The following MYRIP variants were observed in gnomAD, a reference collection of about 807,000 sequenced individuals.
MYRIP encodes the protein rab effector MyRIP.
Under a neutral mutation model 98.0 loss-of-function variants are expected in MYRIP, and 49 were observed. The ratio of observed to expected loss-of-function variants is 0.50; its 90% CI spans 0.40 to 0.63. The LOEUF is 0.63. MYRIP is among the 30% of genes least tolerant of loss of function. The pLI is 0.00. For missense variants in MYRIP, 1,004 were observed against 1,058.2 expected (o/e 0.95, Z 0.71); for synonymous variants, 404 against 409.5 (o/e 0.99, Z 0.16).
intron 2 of MYRIP, among the ~76,000 whole-genome samples, chr3:39,940,430 A>G (rs1015077411): frequency 2.0e-4 from 31 of 152,070 alleles, no homozygotes; most frequent in African/African-American, 7.2e-4. Context: ...TATTATTCAA[A>G]CCTCAATTCT....
At chr3:39,864,701 A>G (rs1942572927) in intron 1 of MYRIP, among the ~76,000 whole-genome samples, 1 of 152,070 alleles carries the variant, frequency 6.6e-6, no homozygotes. Context: ...GAAGAATCAA[A>G]ACAGTTAAAG....
chr3:40,163,705 T>A (rs1950443905), intron 5 of MYRIP, among the ~76,000 whole-genome samples: 1 of 152,108 alleles, frequency 6.6e-6, no homozygotes, highest in African/African-American at 2.4e-5. Flanking sequence ...GCCCTTCACA[T>A]TTGGACTGAA....
intron 3 of MYRIP, among the ~76,000 whole-genome samples, chr3:40,054,952 TGAG>T (rs1391437270): frequency 1.3e-5 from 2 of 152,206 alleles, no homozygotes; most frequent in African/African-American, 4.8e-5. Flanking sequence ...GGAACACTAC[TGAG>T]AGGGCCACAT....
chr3:40,217,702 A>T (rs554826279), intron 11 of MYRIP, among the ~76,000 whole-genome samples: 53 of 152,174 alleles, frequency 3.5e-4, no homozygotes, highest in Admixed American at 6.5e-4. Context: ...AGCATAAAAA[A>T]ATGAAATTGA....
At chr3:40,082,084 G>A (rs1485027702) in intron 3 of MYRIP, among the ~76,000 whole-genome samples, 1 of 152,114 alleles carries the variant, frequency 6.6e-6, no homozygotes, top group Non-Finnish European at 1.5e-5. Flanking sequence ...TTATCAAAAA[G>A]ACAAAAGATA....
intron 3 of MYRIP, among the ~76,000 whole-genome samples, chr3:40,108,696 C>T (rs1949100469): frequency 6.6e-6 from 1 of 152,096 alleles, no homozygotes; most frequent in Non-Finnish European, 1.5e-5. Flanking sequence ...CTGGGGAGAG[C>T]AATTTCAGAG....
chr3:39,814,199 A>T (rs1326854528), intron 1 of MYRIP, among the ~76,000 whole-genome samples: 1 of 152,182 alleles, frequency 6.6e-6, no homozygotes, highest in Non-Finnish European at 1.5e-5. Context: ...TAGCTCTCCT[A>T]GGTTTGGCAG....
At chr3:39,963,306 A>G (rs928153863) in intron 2 of MYRIP, among the ~76,000 whole-genome samples, 1 of 152,148 alleles carries the variant, frequency 6.6e-6, no homozygotes, top group African/African-American at 2.4e-5. Flanking sequence ...GGTGTGAGAA[A>G]TGAGCTATGA....
chr3:40,055,696 G>A (rs1251056912), intron 3 of MYRIP, among the ~76,000 whole-genome samples: 1 of 152,076 alleles, frequency 6.6e-6, no homozygotes, highest in East Asian at 1.9e-4. Context: ...TCTGTCCATA[G>A]CACTTTACTG....
chr3:39,883,800 G>A (rs1943218109), intron 1 of MYRIP, among the ~76,000 whole-genome samples: 1 of 151,880 alleles, frequency 6.6e-6, no homozygotes, highest in Non-Finnish European at 1.5e-5. Context: ...GAAAACAAAA[G>A]GATATAAAAC....
intron 2 of MYRIP, among the ~76,000 whole-genome samples, chr3:39,914,922 CTA>C (rs34034207): frequency 0.44 from 66,728 of 151,538 alleles, 14,902 homozygotes; most frequent in East Asian, 0.53. Context: ...TTTCCCCTTC[CTA>C]TAAAGGCCCC....
intron 3 of MYRIP, among the ~76,000 whole-genome samples, chr3:40,090,303 A>C (rs1948717121): frequency 6.6e-6 from 1 of 151,992 alleles, no homozygotes; most frequent in Admixed American, 6.6e-5. Context: ...AATTCACCAA[A>C]GTTGTGAAGG....
At chr3:40,191,864 G>A (rs1268780187) in intron 10 of MYRIP, among the ~76,000 whole-genome samples, 7 of 152,134 alleles carry the variant, frequency 4.6e-5, no homozygotes. Flanking sequence ...GGATACTCTT[G>A]AGGGTTTGTC....
intron 16 of MYRIP, among the ~76,000 whole-genome samples, chr3:40,255,705 C>A (rs1953565398): frequency 6.6e-6 from 1 of 152,142 alleles, no homozygotes; most frequent in Non-Finnish European, 1.5e-5. Context: ...AGTAGAGCAA[C>A]ACAATTTATG....
At position 40,259,177 on chromosome 3, in the gene MYRIP, A is replaced by G. The variant is rs1953694235; in HGVS notation, c.*1011A>G. On this transcript the variant is annotated 3_prime_UTR_variant, in exon 17 of 17. Transcript: ENST00000302541. ...AAAATTTATAGGTATAAAAAATTCA[A>G]GGACAAACTGTGCATTTAATGGACA... The G allele has an allele frequency of 6.6e-6, 1 of 152,248 alleles. No homozygotes were observed. Among genetic ancestry groups the G allele is most frequent in the Non-Finnish European group, 1.5e-5 (1 of 68,040 alleles). The allele number at this position is 152,248 out of a possible 1,614,324, so 9.4% of individuals were successfully genotyped here.
At chr3:39,832,477 C>T (rs1211053110) in intron 1 of MYRIP, among the ~76,000 whole-genome samples, 1 of 152,096 alleles carries the variant, frequency 6.6e-6, no homozygotes, top group African/African-American at 2.4e-5. Flanking sequence ...GCATTCAATA[C>T]TTAATATTTA....
At chr3:40,095,757 T>C (rs1948816736) in intron 3 of MYRIP, among the ~76,000 whole-genome samples, 1 of 151,456 alleles carries the variant, frequency 6.6e-6, no homozygotes. Flanking sequence ...TTCCTCCCTC[T>C]TTCCCTTTCC....
intron 2 of MYRIP, among the ~76,000 whole-genome samples, chr3:39,908,416 G>A (rs1340376108): frequency 6.6e-6 from 1 of 152,070 alleles, no homozygotes; most frequent in African/African-American, 2.4e-5. Context: ...GCCACCTCCA[G>A]GGGTAATCTT....
At chr3:39,901,361 G>T (rs1462601494) in intron 2 of MYRIP, among the ~76,000 whole-genome samples, 2 of 152,160 alleles carry the variant, frequency 1.3e-5, no homozygotes, top group African/African-American at 4.8e-5. Flanking sequence ...TTGAAGATCA[G>T]ATACAAGGAA....
Sources: gnomAD v4.1 joint callset for allele counts (sites outside exome capture counted in the v4.1 genomes callset) on GRCh38, gnomAD v4.1.1 for gene constraint, MANE v1.5 for transcripts, NCBI Gene and HGNC (gene_info 2026-07-23, HGNC 2026-07-21) for gene names.